The following ADGRG7 variants were observed in gnomAD, a reference collection of about 807,000 sequenced individuals.
The protein encoded by ADGRG7 is G-protein coupled receptor 128.
ADGRG7 carries 82 observed loss-of-function variants against 88.6 expected under a neutral mutation model. The observed-to-expected ratio is 0.93, with a 90% CI of 0.77 to 1.11. The LOEUF is 1.11. ADGRG7 is among the 50% of genes most tolerant of loss of function. The pLI, the probability that ADGRG7 is intolerant of heterozygous loss-of-function variation, is 0.00. For synonymous variants in ADGRG7, 381 were observed against 345.2 expected, an observed-to-expected ratio of 1.10 and a Z score of -1.15; for missense variants, 945 against 953.4, an observed-to-expected ratio of 0.99 and a Z score of 0.12.
At chr3:100,610,349 C>T (rs1413541916) in intron 1 of ADGRG7, among the ~76,000 whole-genome samples, 4 of 152,144 alleles carry the variant, frequency 2.6e-5, no homozygotes, top group African/African-American at 9.7e-5. Flanking sequence ...CAAACACATA[C>T]ACACACATGC....
chr3:100,644,586 C>T (rs2149025133), intron 8 of ADGRG7, among the ~76,000 whole-genome samples: 2 of 152,134 alleles, frequency 1.3e-5, no homozygotes, highest in East Asian at 3.9e-4. Context: ...ACCTGAAGCC[C>T]TCTACCTCAC....
At chr3:100,646,428 C>A in intron 9 of ADGRG7, 141 bp from the exon 10 acceptor site, 1 of 691,204 alleles carries the variant, frequency 1.4e-6, no homozygotes, top group Non-Finnish European at 2.4e-6. Flanking sequence ...CCTTTTTTCC[C>A]TCTCCTTAAT....
chr3:100,693,870 G>T (rs1033177108), intron 15 of ADGRG7, among the ~76,000 whole-genome samples: 1 of 152,064 alleles, frequency 6.6e-6, no homozygotes, highest in Non-Finnish European at 1.5e-5. Flanking sequence ...TATTAATAAA[G>T]AATTAACAGC....
Position 100,637,412 on chromosome 3 carries a change from A to C in ADGRG7, c.698+10A>C, listed in dbSNP as rs1707564176. The C allele has an allele frequency of 6.3e-7, 1 of 1,599,004 alleles. No individual in the cohort carries two copies. The highest frequency in any genetic ancestry group is 1.1e-5 in the South Asian group (1 of 90,656). ...ATGATGCCCTTACAACGTAAGCACA[A>C]ATTCAATTTGGAAAGAAAACTTGAC... On this transcript the variant is annotated intron_variant, in intron 6 of 15. Coordinates refer to ENST00000273352, the MANE Select transcript of ADGRG7 (RefSeq NM_032787.3).
intron 4 of ADGRG7, among the ~76,000 whole-genome samples, chr3:100,634,353 C>G (rs1334942869): frequency 6.6e-6 from 1 of 152,096 alleles, no homozygotes; most frequent in Non-Finnish European, 1.5e-5. Context: ...GCCAATAACA[C>G]TTACTAATTG....
chr3:100,655,143 C>A lies in ADGRG7; in HGVS notation c.1688C>A (p.Pro563His), dbSNP rs2094935955. 1 of 1,612,562 alleles carries A rather than the reference C, an allele frequency of 6.2e-7. No homozygotes were observed. The highest frequency in any genetic ancestry group is 8.5e-7 in the Non-Finnish European group (1 of 1,178,902). ...CTAATAAGGACCATGAAGCCTCTTC[C>A]TCGGCATTTCATTCTTTTCATCTCA... is the stretch of plus-strand genomic sequence containing the variant. ...YLLIRTMKPL[P>H]RHFILFISLI... Residue 563 changes from proline to histidine, a missense_variant, in exon 12 of 16, where the codon CCT (proline) becomes CAT (histidine). Pro to His is a moderately conservative substitution (Grantham distance 77). Transcript: ENST00000273352.
intron 4 of ADGRG7, 65 bp downstream of exon 4, chr3:100,633,442 T>G: frequency 3.7e-6 from 3 of 815,536 alleles, no homozygotes; most frequent in Non-Finnish European, 5.7e-6. Context: ...TTTCTGTTCT[T>G]CAGATACCTG....
intron 15 of ADGRG7, among the ~76,000 whole-genome samples, chr3:100,670,329 A>T (rs1194878186): frequency 6.6e-6 from 1 of 152,188 alleles, no homozygotes; most frequent in Non-Finnish European, 1.5e-5. Context: ...TGTTGTTACA[A>T]ATGACAGGAT....
intron 15 of ADGRG7, among the ~76,000 whole-genome samples, chr3:100,687,510 C>T (rs1004607172): frequency 4.3e-4 from 66 of 152,014 alleles, no homozygotes; most frequent in Non-Finnish European, 6.9e-4. Context: ...ATTGGCTGTG[C>T]GTTTGTCATA....
At chr3:100,640,952 A>C (rs2149023215) in intron 6 of ADGRG7, among the ~76,000 whole-genome samples, 1 of 152,244 alleles carries the variant, frequency 6.6e-6, no homozygotes, top group East Asian at 1.9e-4. Context: ...AGCACTGACC[A>C]CCTGTACATT....
intron 1 of ADGRG7, among the ~76,000 whole-genome samples, chr3:100,624,355 G>T (rs1044480837): frequency 6.6e-6 from 1 of 152,130 alleles, no homozygotes; most frequent in African/African-American, 2.4e-5. Flanking sequence ...AGAAGTGTCT[G>T]TTCATATCCT....
chr3:100,657,604 A>G (rs1383360080), intron 13 of ADGRG7, among the ~76,000 whole-genome samples: 2 of 152,200 alleles, frequency 1.3e-5, no homozygotes, highest in Non-Finnish European at 2.9e-5. Flanking sequence ...TATTGTTTTT[A>G]CACTGAAGCT....
rs754619370 is a variant in ADGRG7, at chr3:100,643,624, A to G, written c.937A>G (p.Met313Val). The G allele has an allele frequency of 3.7e-6, 6 of 1,610,654 alleles. No individual in the cohort carries two copies. The South Asian group carries it at 5.5e-5, about 15-fold the overall frequency. ...GACTGAGCTTCAGGTCTTGCTTAAT[A>G]TGACGAAAAGTAAGTCTCAAACTTT... ...AQTELQVLLNMTKNYTKTCGF... is the reference protein window; with the variant it reads ...AQTELQVLLNVTKNYTKTCGF... The change falls in exon 8 of 16, where the codon ATG becomes GTG. Residue 313 changes from methionine to valine, a missense_variant. Transcript: ENST00000273352.
At chr3:100,666,578 C>T (rs1476902551) in intron 14 of ADGRG7, among the ~76,000 whole-genome samples, 5 of 152,312 alleles carry the variant, frequency 3.3e-5, no homozygotes, top group East Asian at 1.9e-4. Context: ...GGGTTTTATA[C>T]GGAGACATTC....
chr3:100,620,077 T>A (rs975319355), intron 1 of ADGRG7, among the ~76,000 whole-genome samples: 5 of 152,158 alleles, frequency 3.3e-5, no homozygotes, highest in Non-Finnish European at 7.3e-5. Context: ...CCTCATCCTG[T>A]TACCAAAGCC....
chr3:100,627,121 A>G (rs1015349118), intron 1 of ADGRG7, among the ~76,000 whole-genome samples: 5 of 152,198 alleles, frequency 3.3e-5, no homozygotes, highest in Non-Finnish European at 5.9e-5. Context: ...CGAAGTGGTT[A>G]TAGCAATTAT....
Position 100,694,922 on chromosome 3 carries a change from G to T in ADGRG7, c.2315G>T (p.Arg772Leu). Residue 772 changes from arginine to leucine, a missense_variant, in exon 16 of 16, where the codon CGC becomes CTC. Arg to Leu is a moderately radical substitution (Grantham distance 102). Transcript: ENST00000273352. Reference protein sequence around the residue: ...FLRSLPTLHERFRLLETSPST... With the variant: ...FLRSLPTLHELFRLLETSPST... ...AGGTCATTGCCAACCTTACATGAAC[G>T]CTTTAGGCTACTGGAAACCTCTCCG... 3 of 1,614,084 alleles carry T rather than the reference G, an allele frequency of 1.9e-6. No homozygotes were observed. In the South Asian group the frequency reaches 3.3e-5, roughly 18 times the overall value.
chr3:100,611,295 C>CCTTCCCTT (rs1707148821), intron 1 of ADGRG7, among the ~76,000 whole-genome samples: 2 of 112,134 alleles, frequency 1.8e-5, no homozygotes, highest in Non-Finnish European at 3.7e-5. Flanking sequence ...TTCCTTCCTT[C>CCTTCCCTT]CTTCCTTTCT....
chr3:100,667,344 C>G (rs1023122459), intron 14 of ADGRG7, among the ~76,000 whole-genome samples: 3 of 152,132 alleles, frequency 2.0e-5, no homozygotes, highest in Admixed American at 6.5e-5. Flanking sequence ...CCACCACTGA[C>G]AGGCCCCAGT....
Sources: allele counts gnomAD v4.1 joint callset (sites outside exome capture counted in the v4.1 genomes callset), GRCh38; gene constraint gnomAD v4.1.1; transcripts MANE v1.5; gene names NCBI Gene and HGNC (gene_info 2026-07-23, HGNC 2026-07-21).